Variants in IRAK1BP1 observed in about 807,000 individuals in gnomAD.
The protein encoded by IRAK1BP1 is interleukin 1 receptor associated kinase 1 binding protein 1, also known as interleukin-1 receptor-associated kinase 1-binding protein 1.
IRAK1BP1 carries 24 observed loss-of-function variants against 28.0 expected under a neutral mutation model. The ratio of observed to expected loss-of-function variants is 0.86; its 90% CI spans 0.62 to 1.20. The LOEUF is 1.20. Ranked by LOEUF, IRAK1BP1 falls within the 50% of genes most tolerant of loss-of-function variation. The probability of loss-of-function intolerance (pLI) is 0.00; values close to 1 mark genes in which losing one functional copy is unlikely to be tolerated. For missense variants in IRAK1BP1, 336 were observed against 316.7 expected (o/e 1.06, Z -0.46); for synonymous variants, 131 against 116.3 (o/e 1.13, Z -0.81).
chr6:78,892,155 C>CT (rs954954467), intron 2 of IRAK1BP1, among the ~76,000 whole-genome samples: 3 of 151,522 alleles, frequency 2.0e-5, no homozygotes, highest in Non-Finnish European at 4.4e-5. Context: ...ATTGATGCTA[C>CT]TTTTTTTTTC....
At chr6:78,945,574 T>G in exon 5 of IRAK1BP1, 2 of 899,340 alleles carry the variant, frequency 2.2e-6, no homozygotes, top group African/African-American at 1.7e-5. Flanking sequence ...CCTGAATTAT[T>G]TGAATTAGCC....
At chr6:78,935,339 A>G (rs1053773537) in intron 4 of IRAK1BP1, 3 of 164,350 alleles carry the variant, frequency 1.8e-5, no homozygotes, top group Non-Finnish European at 2.5e-5. Context: ...GGCCTTATGT[A>G]TTCATATCTA....
intron 4 of IRAK1BP1, among the ~76,000 whole-genome samples, chr6:78,924,695 C>T (rs1772839108): frequency 6.6e-6 from 1 of 152,154 alleles, no homozygotes; most frequent in African/African-American, 2.4e-5. Flanking sequence ...CTGAATCCAG[C>T]AGCACATCAA....
chr6:78,970,890 TA>T, the IRAK1BP1 span: 3 of 1,588,916 alleles, frequency 1.9e-6, no homozygotes, highest in Non-Finnish European at 1.7e-6. Context: ...ATAATAAACC[TA>T]AAAAATAAAG....
chr6:78,908,102 G>T (rs913768464), downstream of IRAK1BP1, among the ~76,000 whole-genome samples: 2 of 150,114 alleles, frequency 1.3e-5, no homozygotes, highest in African/African-American at 4.9e-5. Context: ...TCAGGCTGGA[G>T]TGCATTGGTG....
the IRAK1BP1 span, among the ~76,000 whole-genome samples, chr6:78,978,325 G>A: frequency 6.6e-6 from 1 of 151,812 alleles, no homozygotes; most frequent in Non-Finnish European, 1.5e-5. Flanking sequence ...AAGAAAGCTG[G>A]CAATAAAAAC....
At chr6:78,965,139 T>C in the IRAK1BP1 span, among the ~76,000 whole-genome samples, 97 of 152,326 alleles carry the variant, frequency 6.4e-4, 1 homozygote, top group South Asian at 8.1e-3. Flanking sequence ...CAACTATATC[T>C]TCATTGAGCT....
At chr6:78,943,284 T>C (rs778573250) in intron 4 of IRAK1BP1, among the ~76,000 whole-genome samples, 1 of 152,160 alleles carries the variant, frequency 6.6e-6, no homozygotes, top group Non-Finnish European at 1.5e-5. Context: ...TGTTAACTAA[T>C]AGATAATGAT....
the IRAK1BP1 span, among the ~76,000 whole-genome samples, chr6:78,964,672 T>C: frequency 1.3e-4 from 20 of 152,222 alleles, no homozygotes; most frequent in Non-Finnish European, 2.2e-4. Flanking sequence ...TTTGTATTTT[T>C]AGTTGAGACG....
chr6:78,936,663 C>A (rs1202614843), intron 4 of IRAK1BP1: 1 of 151,732 alleles, frequency 6.6e-6, no homozygotes. Flanking sequence ...AAAATAATAT[C>A]TATTTATAGC....
chr6:78,978,915 A>T, the IRAK1BP1 span, among the ~76,000 whole-genome samples: 1 of 152,128 alleles, frequency 6.6e-6, no homozygotes, highest in South Asian at 2.1e-4. Flanking sequence ...TGGAAAAAAA[A>T]TTCCACAAAG....
At chr6:78,876,227 C>A (rs1485562764) in intron 1 of IRAK1BP1, among the ~76,000 whole-genome samples, 1 of 152,172 alleles carries the variant, frequency 6.6e-6, no homozygotes, top group Admixed American at 6.5e-5. Context: ...CTCTCTCTCT[C>A]TCCTGCCAAC....
the IRAK1BP1 span, among the ~76,000 whole-genome samples, chr6:78,952,123 T>C: frequency 6.6e-6 from 1 of 152,172 alleles, no homozygotes; most frequent in Non-Finnish European, 1.5e-5. Flanking sequence ...TTACCAATTC[T>C]AGAAAATTCT....
chr6:78,903,055 G>A lies in IRAK1BP1; in HGVS notation c.*4721G>A. The A allele has an allele frequency of 6.5e-7, 1 of 1,533,912 alleles. No homozygotes were observed. The highest frequency in any genetic ancestry group is 8.7e-7 in the Non-Finnish European group (1 of 1,145,012). ...TTACTCCCAGATAGCCATGTCACCT[G>A]TGAATTATCATGAATCCCACATCAA... On this transcript the variant is annotated 3_prime_UTR_variant, in exon 4 of 4. Coordinates refer to ENST00000369940, the MANE Select transcript of IRAK1BP1 (RefSeq NM_001010844.4).
intron 4 of IRAK1BP1, among the ~76,000 whole-genome samples, chr6:78,923,880 G>A (rs1206535249): frequency 1.3e-5 from 2 of 152,130 alleles, no homozygotes; most frequent in South Asian, 2.1e-4. Context: ...CGAGAACAAA[G>A]AGACAACGTA....
the IRAK1BP1 span, among the ~76,000 whole-genome samples, chr6:78,960,697 T>G: frequency 8.6e-3 from 1,309 of 152,154 alleles, 8 homozygotes; most frequent in Non-Finnish European, 0.012. Context: ...ACAATTATGC[T>G]CCCCAGAAGA....
At chr6:78,892,758 G>A (rs1771709200) in intron 2 of IRAK1BP1, among the ~76,000 whole-genome samples, 1 of 152,068 alleles carries the variant, frequency 6.6e-6, no homozygotes, top group African/African-American at 2.4e-5. Context: ...TTCCAAAGAT[G>A]AAAACTACAG....
At chr6:78,918,687 A>G (rs1772635686) in intron 4 of IRAK1BP1, among the ~76,000 whole-genome samples, 1 of 152,012 alleles carries the variant, frequency 6.6e-6, no homozygotes, top group African/African-American at 2.4e-5. Flanking sequence ...CCAACATTGC[A>G]GAACCCAGAT....
chr6:78,945,457 A>C, exon 5 of IRAK1BP1: 1 of 1,611,168 alleles, frequency 6.2e-7, no homozygotes, highest in Non-Finnish European at 8.5e-7. Context: ...GACTGGAAAG[A>C]GTATTCAAAG....
Sources: allele counts gnomAD v4.1 joint callset (sites outside exome capture counted in the v4.1 genomes callset), GRCh38; gene constraint gnomAD v4.1.1; transcripts MANE v1.5; gene names NCBI Gene and HGNC (gene_info 2026-07-23, HGNC 2026-07-21).